TMEM151A: variants seen among roughly 807,000 people sequenced by gnomAD.
TMEM151A encodes the protein transmembrane protein 151A, also known as transmembrane protein 151.
Under a neutral mutation model 33.7 loss-of-function variants are expected in TMEM151A, and 21 were observed. The ratio of observed to expected loss-of-function variants is 0.62; its 90% CI spans 0.44 to 0.90. TMEM151A has a LOEUF of 0.90. Ranked by LOEUF, TMEM151A falls within the 40% of genes least tolerant of loss-of-function variation. The probability of loss-of-function intolerance (pLI) is 0.00; values close to 1 mark genes in which losing one functional copy is unlikely to be tolerated. For missense variants in TMEM151A, 704 were observed against 697.7 expected (o/e 1.01, Z -0.10); for synonymous variants, 374 against 330.3 (o/e 1.13, Z -1.43).
At position 66,292,258 on chromosome 11, in the gene TMEM151A, G is replaced by T. The variant is rs758617608; in HGVS notation, c.75+170G>T. Among the ~76,000 whole-genome samples, 5 of 152,166 alleles carry T rather than the reference G, an allele frequency of 3.3e-5. No homozygotes were observed. Among genetic ancestry groups the T allele is most frequent in the South Asian group, 4.1e-4 (2 of 4,820 alleles). On this transcript the variant is annotated intron_variant, in intron 1 of 1. Coordinates refer to ENST00000327259, the MANE Select transcript of TMEM151A (RefSeq NM_153266.4). The surrounding 1 kb of genome is among the most constrained non-coding windows in gnomAD (Gnocchi z 4.7). ...AAGGGTCCAGGGGCCCGCGTTGGGG[G>T]TAGGGGTGGGGCGGCTGGACAGCAA...
In TMEM151A at chr11:66,295,320, C is replaced by T; in HGVS notation, c.1074C>T (p.Pro358=). 6.3e-7 allele frequency: 1 copy of T among 1,588,704 alleles called. No individual in the cohort carries two copies. The highest frequency in any genetic ancestry group is 8.6e-7 in the Non-Finnish European group (1 of 1,168,578). The part of the protein sequence containing the change: ...WHICSNRQLV[P]SYSEAVVMGA... ...TCTGCTCCAACCGGCAGCTGGTGCC[C>T]AGCTACTCGGAGGCCGTGGTCATGG... Residue 358 remains proline, a synonymous_variant, in exon 2 of 2, where the codon CCC becomes CCT. Transcript: ENST00000327259.
rs750691699 is a variant in TMEM151A at position 66,294,993 on chromosome 11, G to A, written c.747G>A (p.Leu249=). ...GCTTCTTCAGCGCCAACGAGGGCCT[G>A]GACGACTATCTGGAGGCGCGCGAGG... is the stretch of plus-strand genomic sequence containing the variant. ...RARFFSANEG[L]DDYLEAREGM... is the part of the protein sequence containing the mutation. The change falls in exon 2 of 2, where the codon CTG becomes CTA. Residue 249 remains leucine (L), a synonymous_variant. Transcript: ENST00000327259. 6.3e-7 allele frequency: 1 copy of A among 1,590,480 alleles called. No homozygotes were observed. Among genetic ancestry groups the A allele is most frequent in the Non-Finnish European group, 8.5e-7 (1 of 1,175,100 alleles).
Position 66,294,649 on chromosome 11 carries a change from G to C in TMEM151A, c.403G>C (p.Val135Leu), listed in dbSNP as rs1857491437. The C allele has an allele frequency of 5.0e-6, 8 of 1,606,836 alleles. No individual in the cohort carries two copies. Among genetic ancestry groups the C allele is most frequent in the Non-Finnish European group, 6.8e-6 (8 of 1,177,052 alleles). ...GGCGCCACGCACCGACGCCCACACG[G>C]TGCTGGCGCTGATCCGCCGGCTGCA... ...CQAPRTDAHT[V>L]LALIRRLQQA... Residue 135 changes from valine to leucine, a missense_variant, in exon 2 of 2, where the codon GTG becomes CTG. By Grantham distance (32) the Val-to-Leu change is conservative. This residue lies in a region of TMEM151A where 301 missense variants were observed against 323.4 expected (regional missense o/e 0.93). Transcript: ENST00000327259.
At position 66,292,057 on chromosome 11, in the gene TMEM151A, T is replaced by C; in HGVS notation, c.44T>C (p.Leu15Pro). 6.7e-7 allele frequency: 1 copy of C among 1,492,246 alleles called. No homozygotes were observed. The highest frequency in any genetic ancestry group is 8.9e-7 in the Non-Finnish European group (1 of 1,128,672). 92.4% of individuals were successfully genotyped at this position (1,492,246 alleles called of 1,614,324 possible). Reference protein sequence around the residue: ...GAGDGGEVPALIPDGEPLREE... With the variant: ...GAGDGGEVPAPIPDGEPLREE... ...GGCGACGGCGGGGAGGTGCCCGCGC[T>C]CATCCCGGACGGCGAGCCGCTGCGG... is the stretch of plus-strand genomic sequence containing the variant. The change falls in exon 1 of 2, where the codon CTC becomes CCC. Residue 15 changes from leucine (L) to proline (P), a missense_variant. Leu to Pro is a moderately conservative substitution (Grantham distance 98). Coordinates refer to ENST00000327259, the MANE Select transcript of TMEM151A (RefSeq NM_153266.4). The surrounding 1 kb of genome is among the most constrained non-coding windows in gnomAD (Gnocchi z 4.7).
rs1413624884 is a variant in TMEM151A, at chr11:66,295,396, G to A, written c.1150G>A (p.Val384Ile). ...AGGCTGCCAGCGCTGCCGCCGCTCT[G>A]TCAGCAGCAACTCGCTGCCCCCCGC... Reference protein sequence around the residue: ...LRGCQRCRRSVSSNSLPPARP... With the variant: ...LRGCQRCRRSISSNSLPPARP... Residue 384 changes from valine (V) to isoleucine (I), a missense_variant, in exon 2 of 2, where the codon GTC (valine) becomes ATC (isoleucine). By Grantham distance (29) the Val-to-Ile change is conservative. This residue lies in a region of TMEM151A where 398 missense variants were observed against 356.0 expected (regional missense o/e 1.12). Coordinates refer to ENST00000327259, the MANE Select transcript of TMEM151A (RefSeq NM_153266.4). The A allele has an allele frequency of 6.5e-7, 1 of 1,536,036 alleles. No individual in the cohort carries two copies. The highest frequency in any genetic ancestry group is 8.7e-7 in the Non-Finnish European group (1 of 1,143,250).
chr11:66,295,994 T>C lies in TMEM151A; in HGVS notation c.*341T>C, dbSNP rs190284478. 1.5e-3 allele frequency: 349 copies of C among 226,260 alleles called. 3 individuals are homozygous for C. Among genetic ancestry groups the C allele is most frequent in the Middle Eastern group, 9.8e-3 (7 of 712 alleles). 14.0% of individuals were successfully genotyped at this position (226,260 alleles called of 1,614,324 possible). On this transcript the variant is annotated 3_prime_UTR_variant, in exon 2 of 2. Coordinates refer to ENST00000327259, the MANE Select transcript of TMEM151A (RefSeq NM_153266.4). ...GCCAGCTGTTGCCTGCAGCAGAGGC[T>C]GCCTGTGGACACTTCCCTACCGGGG... is the stretch of plus-strand genomic sequence containing the variant.
In TMEM151A at chr11:66,294,421, G is replaced by A; in HGVS notation, c.175G>A (p.Val59Met). 2 of 1,611,548 alleles carry A rather than the reference G, an allele frequency of 1.2e-6. No homozygotes were observed. Among genetic ancestry groups the A allele is most frequent in the South Asian group, 2.2e-5 (2 of 91,016 alleles). ...GCTCATCCACGCCTGCGGGGCCGTG[G>A]TGGCCTGGTGTCGCCTGGCCACAGT... ...TLLIHACGAVVAWCRLATVPR... is the reference protein window; with the variant it reads ...TLLIHACGAVMAWCRLATVPR... The change falls in exon 2 of 2, where the codon GTG becomes ATG. Residue 59 changes from valine (V) to methionine (M), a missense_variant. Val to Met is a conservative substitution (Grantham distance 21). Around this residue, in one of 3 missense-constraint regions of TMEM151A, gnomAD observed 301 missense variants for 323.4 expected, o/e 0.93. Coordinates refer to ENST00000327259, the MANE Select transcript of TMEM151A (RefSeq NM_153266.4).
In TMEM151A at chr11:66,294,597, C is replaced by A; in HGVS notation, c.351C>A (p.Cys117Ter). 1 of 1,612,918 alleles carries A rather than the reference C, an allele frequency of 6.2e-7. No individual in the cohort carries two copies. Among genetic ancestry groups the A allele is most frequent in the Non-Finnish European group, 8.5e-7 (1 of 1,179,518 alleles). Residue 117 changes from cysteine to a stop codon, truncating the protein, a stop_gained, in exon 2 of 2, where the codon TGC becomes TGA. Transcript: ENST00000327259. LOFTEE classifies it high-confidence loss of function. ...TCTACCTCCTCTACCTGGCTGAGTG[C>A]TGGCACTGTCACGTGCGGTCCTGCC... ...SLLYLLYLAECWHCHVRSCQA... is the reference protein window; with the variant it reads ...SLLYLLYLAE
At position 66,292,343 on chromosome 11, in the gene TMEM151A, T is replaced by G. The variant is rs1361039882; in HGVS notation, c.75+255T>G. 6.6e-6 allele frequency among the ~76,000 whole-genome samples: 1 copy of G among 152,058 alleles called. No individual in the cohort carries two copies. Among genetic ancestry groups the G allele is most frequent in the African/African-American group, 2.4e-5 (1 of 41,396 alleles). On this transcript the variant is annotated intron_variant, in intron 1 of 1. Transcript: ENST00000327259. This position sits in a 1 kb window ranked among gnomAD's most constrained non-coding sequence, Gnocchi z 4.7. Reference sequence around the variant, plus strand: ...ATCCAGCCTCGCCCGTCCTGTGACGTCAGTGCCTGGCCCCCACGCGTCCCA... The same window carrying G: ...ATCCAGCCTCGCCCGTCCTGTGACGGCAGTGCCTGGCCCCCACGCGTCCCA...
chr11:66,295,554 C>G lies in TMEM151A; in HGVS notation c.1308C>G (p.Pro436=). 6.8e-7 allele frequency: 1 copy of G among 1,473,520 alleles called. No homozygotes were observed. The highest frequency in any genetic ancestry group is 1.5e-5 in the African/African-American group (1 of 67,950). 91.3% of individuals were successfully genotyped at this position (1,473,520 alleles called of 1,614,324 possible). The change falls in exon 2 of 2, where the codon CCC becomes CCG. Residue 436 remains proline, a synonymous_variant. Transcript: ENST00000327259. The stretch of plus-strand genomic sequence containing the variant: ...GGCGCCGTGGAGAGGACACGGAACC[C>G]CTGGAGAGCCCGCCCTGCTATGAGG... ...PLGRRGEDTE[P]LESPPCYEDA...
rs779025990 is a variant in TMEM151A, at chr11:66,294,639, C to T, written c.393C>T (p.Asp131=). The change falls in exon 2 of 2, where the codon GAC becomes GAT. Residue 131 remains aspartate (D), a synonymous_variant. Transcript: ENST00000327259. ...GGTCCTGCCAGGCGCCACGCACCGA[C>T]GCCCACACGGTGCTGGCGCTGATCC... The part of the protein sequence containing the change: ...HVRSCQAPRT[D]AHTVLALIRR... The T allele has an allele frequency of 6.2e-6, 10 of 1,609,364 alleles. No individual in the cohort carries two copies. In the East Asian group the frequency reaches 8.9e-5, roughly 14 times the overall value.
rs754509541 is a variant in TMEM151A, at chr11:66,295,261, G to A, written c.1015G>A (p.Ala339Thr). Residue 339 changes from alanine to threonine, a missense_variant, in exon 2 of 2, where the codon GCC (alanine) becomes ACC (threonine). Ala to Thr is a moderately conservative substitution (Grantham distance 58, BLOSUM62 0). This residue lies in a region of TMEM151A where 398 missense variants were observed against 356.0 expected (regional missense o/e 1.12). Transcript: ENST00000327259. ...CAGCGGGCCCCCGCTGTCCCGCGTG[G>A]CCACAGTGGACTTCACTGAGCTCGA... is the stretch of plus-strand genomic sequence containing the variant. The part of the protein sequence containing the change: ...VPSGPPLSRV[A>T]TVDFTELEWH... The A allele has an allele frequency of 7.0e-6, 11 of 1,563,912 alleles. No individual in the cohort carries two copies. Among genetic ancestry groups the A allele is most frequent in the Non-Finnish European group, 9.5e-6 (11 of 1,155,030 alleles).
Position 66,292,157 on chromosome 11 carries a change from C to T in TMEM151A, c.75+69C>T, listed in dbSNP as rs12795591. 1.6e-6 allele frequency: 2 copies of T among 1,278,396 alleles called. No homozygotes were observed. The highest frequency in any genetic ancestry group is 2.8e-4 in the Middle Eastern group (1 of 3,514). 79.2% of individuals were successfully genotyped at this position (1,278,396 alleles called of 1,614,324 possible). On this transcript the variant is annotated intron_variant, in intron 1 of 1. Transcript: ENST00000327259. The surrounding 1 kb of genome is among the most constrained non-coding windows in gnomAD (Gnocchi z 4.7). ...AGAGGGACCAGTGCAAAAGGCGACC[C>T]CAAGAGAGGGGCTGAGGAGGGAAGT...
chr11:66,295,965 T>C lies in TMEM151A; in HGVS notation c.*312T>C, dbSNP rs1044843980. The C allele has an allele frequency of 7.5e-6, 2 of 268,020 alleles. No individual in the cohort carries two copies. Among genetic ancestry groups the C allele is most frequent in the Non-Finnish European group, 1.4e-5 (2 of 142,128 alleles). 16.6% of individuals were successfully genotyped at this position (268,020 alleles called of 1,614,324 possible). ...AAAGGCTGGGATGGAGGAGGAGTCC[T>C]GCGGCCAGCTGTTGCCTGCAGCAGA... On this transcript the variant is annotated 3_prime_UTR_variant, in exon 2 of 2. Transcript: ENST00000327259.
At position 66,292,212 on chromosome 11, in the gene TMEM151A, T is replaced by G; in HGVS notation, c.75+124T>G. 6.3e-6 allele frequency: 5 copies of G among 793,804 alleles called. No homozygotes were observed. The highest frequency in any genetic ancestry group is 3.6e-5 in the East Asian group (1 of 27,896). 49.2% of individuals were successfully genotyped at this position (793,804 alleles called of 1,614,324 possible). On this transcript the variant is annotated intron_variant, in intron 1 of 1. Coordinates refer to ENST00000327259, the MANE Select transcript of TMEM151A (RefSeq NM_153266.4). This position sits in a 1 kb window ranked among gnomAD's most constrained non-coding sequence, Gnocchi z 4.7. ...GAGCCCCTACGGCCAATGACGTCAT[T>G]GGGGTCACCTGCGCCCTGCCAAGGG...
chr11:66,292,360 C>A lies in TMEM151A; in HGVS notation c.75+272C>A, dbSNP rs545885674. On this transcript the variant is annotated intron_variant, in intron 1 of 1. Transcript: ENST00000327259. This position sits in a 1 kb window ranked among gnomAD's most constrained non-coding sequence, Gnocchi z 4.7. ...CTGTGACGTCAGTGCCTGGCCCCCA[C>A]GCGTCCCAGTGCCGCAGCGCAGCGG... is the stretch of plus-strand genomic sequence containing the variant. 3.2e-4 allele frequency among the ~76,000 whole-genome samples: 48 copies of A among 152,278 alleles called. No individual in the cohort carries two copies. The highest frequency in any genetic ancestry group is 1.1e-3 in the African/African-American group (44 of 41,542).
At position 66,291,961 on chromosome 11, in the gene TMEM151A, C is replaced by A; in HGVS notation, c.-53C>A. On this transcript the variant is annotated 5_prime_UTR_variant, in exon 1 of 2. Transcript: ENST00000327259. ...GGCCGCGTCGCAGCCCTCCGTGCTC[C>A]CCCCTATCATGCCCGGTGCCCAGGC... 3 of 1,435,214 alleles carry A rather than the reference C, an allele frequency of 2.1e-6. No homozygotes were observed. Among genetic ancestry groups the A allele is most frequent in the Non-Finnish European group, 2.8e-6 (3 of 1,082,260 alleles). The allele number at this position is 1,435,214 out of a possible 1,614,324, so 88.9% of individuals were successfully genotyped here. A position where few individuals can be genotyped will look rare whatever the true frequency, so the allele number is the denominator to read the frequency against.
At position 66,295,385 on chromosome 11, in the gene TMEM151A, G is replaced by GCCGC; in HGVS notation, c.1141_1144dup (p.Arg382ProfsTer64). The stretch of plus-strand genomic sequence containing the variant: ...GCCTACCTCAGAGGCTGCCAGCGCT[G>GCCGC]CCGCCGCTCTGTCAGCAGCAACTCG... On this transcript the variant is annotated frameshift_variant, in exon 2 of 2. Transcript: ENST00000327259. LOFTEE classifies it high-confidence loss of function. 6.5e-7 allele frequency: 1 copy of GCCGC among 1,547,638 alleles called. No individual in the cohort carries two copies. The highest frequency in any genetic ancestry group is 8.7e-7 in the Non-Finnish European group (1 of 1,149,418).
rs1352080584 is a variant in TMEM151A, at chr11:66,294,561, C to T, written c.315C>T (p.Phe105=). ...GCTACCTGTACATCCCGCTGGCCTT[C>T]GTCTCCCTCCTCTACCTCCTCTACC... The part of the protein sequence containing the change: ...SDGYLYIPLA[F]VSLLYLLYLA... Residue 105 remains phenylalanine (F), a synonymous_variant, in exon 2 of 2, where the codon TTC becomes TTT. Transcript: ENST00000327259. 12 of 1,612,968 alleles carry T rather than the reference C, an allele frequency of 7.4e-6. No individual in the cohort carries two copies. The highest frequency in any genetic ancestry group is 1.0e-5 in the Non-Finnish European group (12 of 1,179,500).
Sources: gnomAD v4.1 joint callset for allele counts (sites outside exome capture counted in the v4.1 genomes callset) on GRCh38, gnomAD v4.1.1 for gene constraint, gnomAD v4.1.1 regional missense constraint, Gnocchi (gnomAD v3.1) non-coding constraint, MANE v1.5 for transcripts, NCBI Gene and HGNC (gene_info 2026-07-23, HGNC 2026-07-21) for gene names.